The following PDE10A variants were observed in gnomAD, a reference collection of about 807,000 sequenced individuals.
PDE10A encodes cAMP and cAMP-inhibited cGMP 3',5'-cyclic phosphodiesterase 10A.
Under a neutral mutation model 97.7 loss-of-function variants are expected in PDE10A, and 39 were observed. That is an observed-to-expected ratio of 0.40 (90% CI 0.31 to 0.52). The LOEUF (loss-of-function observed/expected upper bound fraction) is 0.52, where lower values mean the gene tolerates loss of function less well. PDE10A is among the 20% of genes least tolerant of loss of function. The pLI, the probability that PDE10A is intolerant of heterozygous loss-of-function variation, is 0.56. For synonymous variants in PDE10A, 371 were observed against 376.8 expected, an observed-to-expected ratio of 0.98 and a Z score of 0.18; for missense variants, 731 against 1,047.8, an observed-to-expected ratio of 0.70 and a Z score of 4.17.
chr6:165,419,911 G>C (rs79721788), intron 10 of PDE10A, among the ~76,000 whole-genome samples: 1 of 152,292 alleles, frequency 6.6e-6, no homozygotes, highest in Non-Finnish European at 1.5e-5. Context: ...TTAGGTAACT[G>C]TCTTCATCCT....
At chr6:165,607,872 C>T (rs531596012) in intron 1 of PDE10A, among the ~76,000 whole-genome samples, 26 of 152,046 alleles carry the variant, frequency 1.7e-4, no homozygotes, top group South Asian at 1.7e-3. Flanking sequence ...CTGAAATCCC[C>T]GACAATGTCA....
rs1778193074 is a variant in PDE10A, at chr6:165,459,567, AG to A, written c.1024-9206del. Among the ~76,000 whole-genome samples, 5 of 126,922 alleles carry A rather than the reference AG, an allele frequency of 3.9e-5. No homozygotes were observed. The South Asian group carries it at 6.9e-4, about 17-fold the overall frequency. 83.3% of individuals were successfully genotyped at this position (126,922 alleles called of 152,430 possible). A position where few individuals can be genotyped will look rare whatever the true frequency, so the allele number is the denominator to read the frequency against. On this transcript the variant is annotated intron_variant, in intron 3 of 21. Coordinates refer to ENST00000539869, the MANE Select transcript of PDE10A (RefSeq NM_001385079.1). ...CAGACAGACAGACAGACAGATAGAT[AG>A]ATAATGATAGATATATATATATATA...
intron 1 of PDE10A, among the ~76,000 whole-genome samples, chr6:165,964,107 T>C (rs1401975797): frequency 1.3e-5 from 2 of 152,224 alleles, no homozygotes; most frequent in East Asian, 1.9e-4. Flanking sequence ...CAAGAAATTA[T>C]TCATTTTAGC....
intron 1 of PDE10A, among the ~76,000 whole-genome samples, chr6:165,564,120 C>T (rs1165607953): frequency 6.6e-6 from 1 of 152,134 alleles, no homozygotes; most frequent in Non-Finnish European, 1.5e-5. Context: ...CCCTAAAATC[C>T]TCAATTCAAA....
chr6:165,511,497 T>C (rs1436073110), intron 2 of PDE10A, among the ~76,000 whole-genome samples: 1 of 152,016 alleles, frequency 6.6e-6, no homozygotes, highest in Non-Finnish European at 1.5e-5. Flanking sequence ...TCCACAATTA[T>C]CAGATAAAAT....
chr6:165,365,350 C>A (rs929178594), intron 18 of PDE10A, among the ~76,000 whole-genome samples: 1 of 152,038 alleles, frequency 6.6e-6, no homozygotes, highest in African/African-American at 2.4e-5. Flanking sequence ...AAAAACAAAA[C>A]AAATCCCCAA....
chr6:165,802,898 T>C (rs1779019907), intron 1 of PDE10A, among the ~76,000 whole-genome samples: 1 of 152,236 alleles, frequency 6.6e-6, no homozygotes, highest in Non-Finnish European at 1.5e-5. Flanking sequence ...TGTAGCACTG[T>C]TAGTGATCAC....
chr6:165,564,379 G>C (rs1183392161), intron 1 of PDE10A, among the ~76,000 whole-genome samples: 3 of 152,166 alleles, frequency 2.0e-5, no homozygotes, highest in African/African-American at 7.2e-5. Context: ...AACAAGGACT[G>C]ATAAGACCCG....
At chr6:165,619,534 C>CTAGTGTAGTGTAGTCT (rs1787997773) in intron 1 of PDE10A, among the ~76,000 whole-genome samples, 1 of 5,578 alleles carries the variant, frequency 1.8e-4, no homozygotes, top group African/African-American at 8.0e-4. Context: ...GTAGTGTAGT[C>CTAGTGTAGTGTAGTCT]TAATGTAGTG....
intron 18 of PDE10A, among the ~76,000 whole-genome samples, chr6:165,359,560 G>A (rs2099284201): frequency 6.6e-6 from 1 of 151,958 alleles, no homozygotes; most frequent in South Asian, 2.1e-4. Context: ...CTAAAATTCT[G>A]CATTTTTTCA....
chr6:165,368,229 C>T (rs1783953913), intron 18 of PDE10A, among the ~76,000 whole-genome samples: 1 of 152,212 alleles, frequency 6.6e-6, no homozygotes. Flanking sequence ...CTCCCGGCCT[C>T]AAGTGATCAG....
intron 10 of PDE10A, among the ~76,000 whole-genome samples, chr6:165,422,958 T>C (rs925378259): frequency 6.6e-6 from 1 of 152,090 alleles, no homozygotes; most frequent in African/African-American, 2.4e-5. Context: ...AGGAAACAAA[T>C]GTGCTTCATT....
chr6:165,963,062 T>G (rs1329855914), intron 1 of PDE10A, among the ~76,000 whole-genome samples: 2 of 152,256 alleles, frequency 1.3e-5, no homozygotes, highest in Non-Finnish European at 2.9e-5. Flanking sequence ...TGTCATATGT[T>G]AACACAGAAG....
At chr6:165,405,676 T>G (rs1280641969) in intron 13 of PDE10A, among the ~76,000 whole-genome samples, 1 of 152,172 alleles carries the variant, frequency 6.6e-6, no homozygotes, top group Non-Finnish European at 1.5e-5. Flanking sequence ...GTCAGAATGT[T>G]GGAAAGTAAT....
chr6:165,869,409 A>G (rs1456307313), intron 1 of PDE10A, among the ~76,000 whole-genome samples: 1 of 152,114 alleles, frequency 6.6e-6, no homozygotes, highest in East Asian at 1.9e-4. Flanking sequence ...AGACATCTAC[A>G]ATAAAAACTA....
At chr6:165,608,219 G>A (rs1158204895) in intron 1 of PDE10A, among the ~76,000 whole-genome samples, 3 of 150,144 alleles carry the variant, frequency 2.0e-5, no homozygotes, top group Admixed American at 6.6e-5. Flanking sequence ...CCATTAACTC[G>A]TCATTTACAT....
At chr6:165,971,044 A>G (rs1255577957) in intron 1 of PDE10A, among the ~76,000 whole-genome samples, 2 of 152,178 alleles carry the variant, frequency 1.3e-5, no homozygotes, top group Non-Finnish European at 2.9e-5. Context: ...ATTACTCGGA[A>G]GGCTGAGGCA....
chr6:165,873,124 C>T (rs565144855), intron 1 of PDE10A, among the ~76,000 whole-genome samples: 1 of 152,296 alleles, frequency 6.6e-6, no homozygotes, highest in Non-Finnish European at 1.5e-5. Context: ...TTCGGGGGAG[C>T]AGCCAGATCC....
chr6:165,534,349 T>C (rs1434121258), intron 2 of PDE10A, among the ~76,000 whole-genome samples: 1 of 148,462 alleles, frequency 6.7e-6, no homozygotes, highest in Non-Finnish European at 1.5e-5. Flanking sequence ...GACAGTTTCA[T>C]TGATGAATTT....
Sources: gnomAD v4.1 joint callset for allele counts (sites outside exome capture counted in the v4.1 genomes callset) on GRCh38, gnomAD v4.1.1 for gene constraint, MANE v1.5 for transcripts, NCBI Gene and HGNC (gene_info 2026-07-23, HGNC 2026-07-21) for gene names.